The following MED13L variants were observed in gnomAD, a reference collection of about 807,000 sequenced individuals.
The protein encoded by MED13L is mediator complex subunit 13L, also known as mediator of RNA polymerase II transcription subunit 13-like.
Under a neutral mutation model 220.9 loss-of-function variants are expected in MED13L, and 7 were observed. The observed-to-expected ratio is 0.03, with a 90% CI of 0.02 to 0.06. The LOEUF (loss-of-function observed/expected upper bound fraction) is 0.06. Ranked by LOEUF, MED13L falls within the 10% of genes least tolerant of loss-of-function variation. The pLI is 1.00. For synonymous variants in MED13L, 1,011 were observed against 1,015.2 expected, an observed-to-expected ratio of 1.00 and a Z score of 0.08; for missense variants, 1,965 against 2,760.5, an observed-to-expected ratio of 0.71 and a Z score of 6.46.
intron 16 of MED13L, among the ~76,000 whole-genome samples, chr12:115,995,690 T>C (rs959779255): frequency 3.3e-5 from 5 of 152,182 alleles, no homozygotes; most frequent in African/African-American, 7.2e-5. Flanking sequence ...CCCAAAAGTG[T>C]TGGGATTACG....
chr12:116,102,705 T>TTC (rs1873184126), intron 3 of MED13L, among the ~76,000 whole-genome samples: 2 of 89,288 alleles, frequency 2.2e-5, no homozygotes, highest in Non-Finnish European at 2.3e-5. Flanking sequence ...TTCTTTTTCT[T>TTC]TTTTCTTTTT....
In MED13L at chr12:116,044,068, T is replaced by C. The variant is rs560109177; in HGVS notation, c.480-21467A>G. Among the ~76,000 whole-genome samples, 7 of 152,318 alleles carry C rather than the reference T, an allele frequency of 4.6e-5. No individual in the cohort carries two copies. In the East Asian group the frequency reaches 5.8e-4, roughly 13 times the overall value. On this transcript the variant is annotated intron_variant, in intron 4 of 30. Transcript: ENST00000281928. Reference sequence around the variant, plus strand: ...GTTCATGTGACCAAGAATAACGCCATTGTACTATATGCTAGCTCTATTTTA... The same window carrying C: ...GTTCATGTGACCAAGAATAACGCCACTGTACTATATGCTAGCTCTATTTTA...
chr12:115,997,517 G>C (rs1379030676), intron 14 of MED13L, among the ~76,000 whole-genome samples: 1 of 152,190 alleles, frequency 6.6e-6, no homozygotes, highest in Non-Finnish European at 1.5e-5. Context: ...TGCCTTCCTC[G>C]TTCAAGCAAT....
At chr12:116,141,574 CTT>C (rs1040504040) in intron 2 of MED13L, among the ~76,000 whole-genome samples, 8 of 152,164 alleles carry the variant, frequency 5.3e-5, no homozygotes, top group African/African-American at 1.7e-4. Flanking sequence ...TCCTAACTCT[CTT>C]GACAGTCTAC....
rs913001756 is a variant in MED13L, at chr12:116,276,478, C to A, written c.72+582G>T. Reference sequence around the variant, plus strand: ...CTTTACGGCTCTCCAGCATAGTAAGCCCCGAGAGGCAGGCGGCTGTCGATG... The same window carrying A: ...CTTTACGGCTCTCCAGCATAGTAAGACCCGAGAGGCAGGCGGCTGTCGATG... On this transcript the variant is annotated intron_variant, in intron 1 of 30. Coordinates refer to ENST00000281928, the MANE Select transcript of MED13L (RefSeq NM_015335.5). 1.9e-5 allele frequency: 24 copies of A among 1,288,232 alleles called. No individual in the cohort carries two copies. In the African/African-American group the frequency reaches 3.7e-4, roughly 20 times the overall value. 79.8% of individuals were successfully genotyped at this position (1,288,232 alleles called of 1,614,324 possible).
In MED13L at chr12:116,277,354, C is replaced by T. The variant is rs1468596557; in HGVS notation, c.-223G>A. On this transcript the variant is annotated 5_prime_UTR_variant, in exon 1 of 31. Coordinates refer to ENST00000281928, the MANE Select transcript of MED13L (RefSeq NM_015335.5). ...GGCGGGGGGGGCGCGCGCCCCGGGC[C>T]GGCGCTGCGGGCCGGCCACCGCCTC... The T allele has an allele frequency of 2.0e-5, 3 of 149,112 alleles. No homozygotes were observed. The highest frequency in any genetic ancestry group is 7.3e-5 in the African/African-American group (3 of 40,910). 9.2% of individuals were successfully genotyped at this position (149,112 alleles called of 1,614,324 possible).
chr12:116,109,718 G>A (rs1396358808), intron 3 of MED13L, among the ~76,000 whole-genome samples: 4 of 152,060 alleles, frequency 2.6e-5, no homozygotes, highest in African/African-American at 7.2e-5. Flanking sequence ...ACTTTGTTTC[G>A]TTTTACAGTG....
intron 19 of MED13L, among the ~76,000 whole-genome samples, chr12:115,984,644 G>A (rs1877561278): frequency 6.6e-6 from 1 of 152,110 alleles, no homozygotes; most frequent in Non-Finnish European, 1.5e-5. Flanking sequence ...TGTACAAGAG[G>A]AGGCTGCTGA....
chr12:116,244,283 G>A (rs1258679118), intron 1 of MED13L, among the ~76,000 whole-genome samples: 1 of 152,162 alleles, frequency 6.6e-6, no homozygotes, highest in Non-Finnish European at 1.5e-5. Flanking sequence ...GAAAACTTCT[G>A]TTAAAACATA....
At chr12:116,075,104 T>G (rs1870675702) in intron 4 of MED13L, among the ~76,000 whole-genome samples, 1 of 152,262 alleles carries the variant, frequency 6.6e-6, no homozygotes, top group Non-Finnish European at 1.5e-5. Context: ...TTTTTGTTTC[T>G]TCTTTAATAT....
chr12:116,138,287 GA>G (rs969063803), intron 2 of MED13L, among the ~76,000 whole-genome samples: 1 of 152,138 alleles, frequency 6.6e-6, no homozygotes, highest in African/African-American at 2.4e-5. Flanking sequence ...AGACTTAGGA[GA>G]AAAAAATTTT....
At chr12:116,031,783 G>A in intron 4 of MED13L, among the ~76,000 whole-genome samples, 1 of 146,538 alleles carries the variant, frequency 6.8e-6, no homozygotes, top group Non-Finnish European at 1.5e-5. Flanking sequence ...AAGGAAGGAA[G>A]GAAGGAAGGA....
chr12:116,087,847 A>ATG (rs1871842992), intron 4 of MED13L, among the ~76,000 whole-genome samples: 1 of 152,140 alleles, frequency 6.6e-6, no homozygotes, highest in East Asian at 1.9e-4. Flanking sequence ...TATAATAAAG[A>ATG]TCTTTTATGT....
chr12:115,975,276 G>T lies in MED13L; in HGVS notation c.5626C>A (p.Leu1876Ile). 1.2e-6 allele frequency: 2 copies of T among 1,614,070 alleles called. No homozygotes were observed. The highest frequency in any genetic ancestry group is 1.7e-6 in the Non-Finnish European group (2 of 1,179,984). The change falls in exon 25 of 31, where the codon CTA becomes ATA. Residue 1876 changes from leucine (L) to isoleucine (I), a missense_variant. Transcript: ENST00000281928. ...ATGCACCACTCCCATAACTTCTGTA[G>T]TCCAATTTTACGTGCAGATACTTTA... ...RSKVSARKIGLQKLWEWCIGI... is the reference protein window; with the variant it reads ...RSKVSARKIGIQKLWEWCIGI...
rs758975492 is a variant in MED13L, at chr12:116,007,388, ACTCT to A, written c.2238+19_2238+22del. The A allele has an allele frequency of 8.0e-7, 1 of 1,246,276 alleles. No individual in the cohort carries two copies. The highest frequency in any genetic ancestry group is 2.3e-5 in the East Asian group (1 of 42,914). The allele number at this position is 1,246,276 out of a possible 1,614,324, so 77.2% of individuals were successfully genotyped here. A position where few individuals can be genotyped will look rare whatever the true frequency, so the allele number is the denominator to read the frequency against. On this transcript the variant is annotated intron_variant, in intron 11 of 30. Transcript: ENST00000281928. Reference sequence around the variant, plus strand: ...TAGATAGAAACCCACACCATGCTGGACTCTCTCTCTGTTAAATGGTACCTTATTC... The same window carrying A: ...TAGATAGAAACCCACACCATGCTGGACTCTCTGTTAAATGGTACCTTATTC...
chr12:115,963,666 T>C (rs1003032176), intron 29 of MED13L, 147 bp from the exon 30 acceptor site: 2 of 705,406 alleles, frequency 2.8e-6, no homozygotes, highest in South Asian at 1.5e-5. Flanking sequence ...ACCTGCTCAG[T>C]AACCCCCAAG....
intron 3 of MED13L, among the ~76,000 whole-genome samples, chr12:116,097,528 G>A (rs143057616): frequency 2.4e-4 from 37 of 152,044 alleles, no homozygotes; most frequent in African/African-American, 7.0e-4. Context: ...TACTTTTTAC[G>A]TGATGAGGAT....
chr12:116,062,111 T>C (rs534981083), intron 4 of MED13L, among the ~76,000 whole-genome samples: 2 of 152,062 alleles, frequency 1.3e-5, no homozygotes, highest in Non-Finnish European at 2.9e-5. Flanking sequence ...TTCTCTTCTA[T>C]TGATTTTCTT....
intron 2 of MED13L, among the ~76,000 whole-genome samples, chr12:116,112,516 T>A (rs551064378): frequency 5.6e-4 from 86 of 152,348 alleles, no homozygotes; most frequent in African/African-American, 2.0e-3. Context: ...AGGCCTTTTA[T>A]CTTCTATTAG....
Sources: gnomAD v4.1 joint callset for allele counts (sites outside exome capture counted in the v4.1 genomes callset) on GRCh38, gnomAD v4.1.1 for gene constraint, MANE v1.5 for transcripts, NCBI Gene and HGNC (gene_info 2026-07-23, HGNC 2026-07-21) for gene names.